Variants in MACF1 observed in about 807,000 individuals in gnomAD.
MACF1 encodes microtubule actin crosslinking factor 1, also known as microtubule-actin cross-linking factor 1.
A neutral mutation model predicts 854.8 loss-of-function variants in MACF1; 193 were observed. The observed-to-expected ratio is 0.23, with a 90% confidence interval of 0.20 to 0.25. The LOEUF is 0.25. Among genes scored for constraint, MACF1 ranks in the 10% least tolerant of loss-of-function variants. MACF1 has a pLI of 1.00. For missense variants in MACF1, 7,722 were observed against 8,929.1 expected (o/e 0.86, Z 5.45); for synonymous variants, 3,185 against 3,226.7 (o/e 0.99, Z 0.44).
intron 2 of MACF1, chr1:39,103,128 T>C: frequency 2.1e-6 from 1 of 483,422 alleles, no homozygotes; most frequent in Non-Finnish European, 3.8e-6. Context: ...GTTTCTTCTT[T>C]GATTTGTGTG....
At chr1:39,306,067 C>T (rs759232984) in intron 23 of MACF1, among the ~76,000 whole-genome samples, 2 of 151,958 alleles carry the variant, frequency 1.3e-5, no homozygotes, top group Non-Finnish European at 2.9e-5. Flanking sequence ...TAGCACATAG[C>T]AGGTATTCAA....
In MACF1 at chr1:39,469,554, T is replaced by C. The variant is rs1369504060; in HGVS notation, c.21897T>C (p.His7299=). 4 of 1,549,706 alleles carry C rather than the reference T, an allele frequency of 2.6e-6. No individual in the cohort carries two copies. Among genetic ancestry groups the C allele is most frequent in the Admixed American group, 3.9e-5 (2 of 50,990 alleles). ...LVKNDPCRVH[H]PGSKIKRSDS... is the part of the protein sequence containing the mutation. ...ACGTATTTTTTATTCTAGTTCACCA[T>C]CCTGGGAGTAAAATAAAGCGCTCTG... Residue 7299 remains histidine (H), a synonymous_variant, in exon 97 of 101, where the codon CAT becomes CAC. Coordinates refer to ENST00000564288, the MANE Select transcript of MACF1 (RefSeq NM_001394062.1).
chr1:39,402,984 T>G (rs181276798), intron 58 of MACF1, among the ~76,000 whole-genome samples: 1 of 152,168 alleles, frequency 6.6e-6, no homozygotes, highest in African/African-American at 2.4e-5. Flanking sequence ...ACCTCTGAGA[T>G]GGCAGCTCCT....
intron 2 of MACF1, among the ~76,000 whole-genome samples, chr1:39,245,384 G>T (rs1335747054): frequency 2.0e-5 from 3 of 152,096 alleles, no homozygotes; most frequent in Non-Finnish European, 4.4e-5. Flanking sequence ...CCTCCAGCGC[G>T]ATTCTCGTGT....
chr1:39,361,785 T>A (rs1648206306), intron 49 of MACF1, 108 bp downstream of exon 49: 1 of 1,024,038 alleles, frequency 9.8e-7, no homozygotes, highest in Non-Finnish European at 1.5e-6. Context: ...GGAAACTACC[T>A]GCATTATCTT....
intron 99 of MACF1, among the ~76,000 whole-genome samples, chr1:39,483,156 C>T (rs1168546559): frequency 6.8e-6 from 1 of 146,900 alleles, no homozygotes; most frequent in Non-Finnish European, 1.5e-5. Flanking sequence ...GTTAAGCCTA[C>T]TATCTAAAAA....
chr1:39,192,551 T>C (rs1644268453), intron 2 of MACF1, among the ~76,000 whole-genome samples: 1 of 152,236 alleles, frequency 6.6e-6, no homozygotes, highest in South Asian at 2.1e-4. Context: ...CAGGTGTATA[T>C]AGATTTTGAC....
At position 39,417,323 on chromosome 1, in the gene MACF1, A is replaced by G. The variant is rs192552402; in HGVS notation, c.15817-5051A>G. 1.5e-3 allele frequency among the ~76,000 whole-genome samples: 221 copies of G among 152,084 alleles called. 1 individual carries two copies. The highest frequency in any genetic ancestry group is 4.7e-3 in the African/African-American group (197 of 41,576). ...CTTATTTATAGACCTCTTCAGTCTT[A>G]ATCCCAGCCACTGGTTCAAAGGAAG... is the stretch of plus-strand genomic sequence containing the variant. On this transcript the variant is annotated intron_variant, in intron 58 of 100. Coordinates refer to ENST00000564288, the MANE Select transcript of MACF1 (RefSeq NM_001394062.1).
At chr1:39,282,502 A>C in intron 7 of MACF1, 128 bp downstream of exon 7, 1 of 1,128,478 alleles carries the variant, frequency 8.9e-7, no homozygotes, top group African/African-American at 1.6e-5. Flanking sequence ...CATTTGAAAA[A>C]GAAACATTTA....
At chr1:39,308,353 T>C (rs1326757670) in intron 23 of MACF1, among the ~76,000 whole-genome samples, 1 of 152,166 alleles carries the variant, frequency 6.6e-6, no homozygotes, top group African/African-American at 2.4e-5. Context: ...TTATTCTTCT[T>C]TGGGATTTCC....
At chr1:39,102,363 G>C (rs760018099) in intron 2 of MACF1, among the ~76,000 whole-genome samples, 1 of 150,394 alleles carries the variant, frequency 6.6e-6, no homozygotes, top group Non-Finnish European at 1.5e-5. Flanking sequence ...GTAAGGATGA[G>C]AGACACTGTA....
chr1:39,430,718 T>G lies in MACF1; in HGVS notation c.17147T>G (p.Val5716Gly), dbSNP rs1367963367. ...QQRQKELKKE[V>G]MEHRLVLDTV... ...CCTCCTTAGGAATTAAAGAAGGAGG[T>G]CATGGAGCACAGGCTGGTGTTGGAC... is the stretch of plus-strand genomic sequence containing the variant. Residue 5716 changes from valine (V) to glycine (G), a missense_variant, in exon 66 of 101, where the codon GTC becomes GGC. Val to Gly is a moderately radical substitution (Grantham distance 109). Transcript: ENST00000564288. 1 of 1,611,692 alleles carries G rather than the reference T, an allele frequency of 6.2e-7. No individual in the cohort carries two copies. The highest frequency in any genetic ancestry group is 8.5e-7 in the Non-Finnish European group (1 of 1,179,878).
At chr1:39,339,570 A>T (rs752854465) in intron 38 of MACF1, among the ~76,000 whole-genome samples, 5 of 152,224 alleles carry the variant, frequency 3.3e-5, no homozygotes, top group African/African-American at 4.8e-5. Flanking sequence ...GAGACAATTA[A>T]TATAGATCCT....
chr1:39,462,533 T>C (rs1644575463), intron 93 of MACF1, among the ~76,000 whole-genome samples: 1 of 127,660 alleles, frequency 7.8e-6, no homozygotes, highest in Non-Finnish European at 1.6e-5. Context: ...AGTATGATTC[T>C]GTCTGTCCCC....
In MACF1 at chr1:39,463,737, C is replaced by T. The variant is rs776210958; in HGVS notation, c.21753+51C>T. The T allele has an allele frequency of 7.3e-6, 11 of 1,507,896 alleles. No homozygotes were observed. The African/African-American group carries it at 1.2e-4, about 17-fold the overall frequency. The allele number at this position is 1,507,896 out of a possible 1,614,324, so 93.4% of individuals were successfully genotyped here. On this transcript the variant is annotated intron_variant, in intron 94 of 100. Coordinates refer to ENST00000564288, the MANE Select transcript of MACF1 (RefSeq NM_001394062.1). ...TGTTGTGGTGGTTTCTCATATGTGG[C>T]TGATCCCACCTTTTCCTCCTGATGC...
intron 2 of MACF1, among the ~76,000 whole-genome samples, chr1:39,155,894 GTT>G (rs1251062150): frequency 7.6e-6 from 1 of 130,912 alleles, no homozygotes; most frequent in African/African-American, 2.8e-5. Context: ...TAATTGTTTT[GTT>G]TTTTTTTTTG....
At chr1:39,201,265 C>T (rs1157389923), upstream of MACF1, among the ~76,000 whole-genome samples, 1 of 152,184 alleles carries the variant, frequency 6.6e-6, no homozygotes, top group East Asian at 1.9e-4. Flanking sequence ...TTGTAGCCAC[C>T]AATTTTCACT....
chr1:39,114,408 T>G (rs1438455912), intron 2 of MACF1, among the ~76,000 whole-genome samples: 3 of 152,066 alleles, frequency 2.0e-5, no homozygotes, highest in African/African-American at 7.2e-5. Context: ...GTAATCCACA[T>G]ACATAAGAAG....
In MACF1 at chr1:39,460,361, C is replaced by T. The variant is rs1437515407; in HGVS notation, c.21361-271C>T. Among the ~76,000 whole-genome samples, 2 of 152,214 alleles carry T rather than the reference C, an allele frequency of 1.3e-5. No homozygotes were observed. The highest frequency in any genetic ancestry group is 2.9e-5 in the Non-Finnish European group (2 of 68,040). On this transcript the variant is annotated intron_variant, in intron 91 of 100. Coordinates refer to ENST00000564288, the MANE Select transcript of MACF1 (RefSeq NM_001394062.1). This position sits in a 1 kb window ranked among gnomAD's most constrained non-coding sequence, Gnocchi z 4.1. ...CAAAGGGAAAGCAAGGCTGGCTTCA[C>T]CCATTCTCATTCTGTGTGCTCCATA...
Sources: allele counts gnomAD v4.1 joint callset (sites outside exome capture counted in the v4.1 genomes callset), GRCh38; gene constraint gnomAD v4.1.1; non-coding constraint Gnocchi (gnomAD v3.1); transcripts MANE v1.5; gene names NCBI Gene and HGNC (gene_info 2026-07-23, HGNC 2026-07-21).